The following ANKLE2 variants were observed in gnomAD, a reference collection of about 807,000 sequenced individuals.
ANKLE2 encodes ankyrin repeat and LEM domain-containing protein 2.
A neutral mutation model predicts 84.2 loss-of-function variants in ANKLE2; 55 were observed. That is an observed-to-expected ratio of 0.65 (90% CI 0.53 to 0.82). The LOEUF (loss-of-function observed/expected upper bound fraction) is 0.82, where lower values mean the gene tolerates loss of function less well. Ranked by LOEUF, ANKLE2 falls within the 40% of genes least tolerant of loss-of-function variation. The pLI is 0.00. For missense variants in ANKLE2, 1,238 were observed against 1,201.9 expected (o/e 1.03, Z -0.44); for synonymous variants, 551 against 486.1 (o/e 1.13, Z -1.76).
rs2044183669 is a variant in ANKLE2 at position 132,744,000 on chromosome 12, T to C, written c.1231-724A>G. ...CAGTAAACGAAATTTTTTTCACTGC[T>C]GACGATGCTGCATCGCGCCCTGGCT... On this transcript the variant is annotated intron_variant, in intron 5 of 12. Coordinates refer to ENST00000357997, the MANE Select transcript of ANKLE2 (RefSeq NM_015114.3). The surrounding 1 kb of genome is among the most constrained non-coding windows in gnomAD (Gnocchi z 4.1). Among the ~76,000 whole-genome samples, 1 of 152,218 alleles carries C rather than the reference T, an allele frequency of 6.6e-6. No homozygotes were observed. The highest frequency in any genetic ancestry group is 1.5e-5 in the Non-Finnish European group (1 of 68,032).
In ANKLE2 at chr12:132,748,286, G is replaced by C. The variant is rs1036751408; in HGVS notation, c.893C>G (p.Ala298Gly). ...CGTGCGGGGATTTTTGTAACTGTTC[G>C]CTCGCTCTTTGTTGACTGTTTCTGA... ...SESETVNKER[A>G]NSYKNPRTQD... Residue 298 changes from alanine (A) to glycine (G), a missense_variant, in exon 4 of 13, where the codon GCG becomes GGG. Coordinates refer to ENST00000357997, the MANE Select transcript of ANKLE2 (RefSeq NM_015114.3). 1 of 1,614,038 alleles carries C rather than the reference G, an allele frequency of 6.2e-7. No individual in the cohort carries two copies. Among genetic ancestry groups the C allele is most frequent in the African/African-American group, 1.3e-5 (1 of 74,908 alleles).
At chr12:132,752,290 A>C (rs1435274156) in intron 2 of ANKLE2, among the ~76,000 whole-genome samples, 1 of 152,244 alleles carries the variant, frequency 6.6e-6, no homozygotes, top group Non-Finnish European at 1.5e-5. Flanking sequence ...GAGTGAGCCA[A>C]GATCGCACCA....
At chr12:132,732,968 A>T (rs1247785602) in intron 10 of ANKLE2, among the ~76,000 whole-genome samples, 977 of 38,258 alleles carry the variant, frequency 0.026, no homozygotes, top group Middle Eastern at 0.074. Context: ...TGGTGTCTGA[A>T]ATACACTGTG....
At chr12:132,727,895 C>A in intron 12 of ANKLE2, 137 bp downstream of exon 12, 1 of 1,257,064 alleles carries the variant, frequency 8.0e-7, no homozygotes, top group Non-Finnish European at 1.1e-6. Context: ...AGCCACAACA[C>A]CCAAATCCAC....
At chr12:132,748,402 G>A (rs2044285536) in intron 3 of ANKLE2, 71 bp from the exon 4 acceptor site, 2 of 1,554,090 alleles carry the variant, frequency 1.3e-6, no homozygotes, top group African/African-American at 1.4e-5. Context: ...TGCACCCTCT[G>A]ATGAGGGATA....
chr12:132,728,700 T>G (rs1363243915), intron 11 of ANKLE2, among the ~76,000 whole-genome samples: 1 of 152,174 alleles, frequency 6.6e-6, no homozygotes, highest in East Asian at 1.9e-4. Context: ...CTCGCTGTTC[T>G]GTGATGAGAA....
At position 132,733,270 on chromosome 12, in the gene ANKLE2, T is replaced by C. The variant is rs575301480; in HGVS notation, c.1891+1115A>G. On this transcript the variant is annotated intron_variant, in intron 10 of 12. Transcript: ENST00000357997. ...AAGCACTGCGCGTCCTGGTGTCTGA[T>C]ATGCACCGTGTGAAGCTCTCTGCGT... is the stretch of plus-strand genomic sequence containing the variant. 7.9e-5 allele frequency among the ~76,000 whole-genome samples: 10 copies of C among 126,358 alleles called. No individual in the cohort carries two copies. The South Asian group carries it at 1.4e-3, about 17-fold the overall frequency. The allele number at this position is 126,358 out of a possible 152,430, so 82.9% of individuals were successfully genotyped here.
At chr12:132,757,114 G>A (rs1232756302) in intron 1 of ANKLE2, 3 of 152,382 alleles carry the variant, frequency 2.0e-5, no homozygotes, top group South Asian at 2.1e-4. Flanking sequence ...GGTGCTCTAA[G>A]GAGAAAGACA....
intron 10 of ANKLE2, chr12:132,732,122 GTCC>G (rs2043865122): frequency 6.7e-6 from 1 of 148,566 alleles, no homozygotes; most frequent in African/African-American, 2.6e-5. Context: ...AGCGCTCTGC[GTCC>G]TGGTGTCTGA....
chr12:132,732,492 C>T (rs2043888241), intron 10 of ANKLE2, among the ~76,000 whole-genome samples: 2 of 145,362 alleles, frequency 1.4e-5, no homozygotes, highest in African/African-American at 5.1e-5. Flanking sequence ...CCGTGTGAAG[C>T]TCTCTGAGTG....
intron 1 of ANKLE2, 85 bp downstream of exon 1, chr12:132,761,533 C>A: frequency 9.1e-7 from 1 of 1,099,798 alleles, no homozygotes; most frequent in Admixed American, 4.5e-5. Flanking sequence ...GCTCCAGGGG[C>A]GCGGCCGGGA....
chr12:132,734,073 T>TAAAA, intron 10 of ANKLE2: 1 of 442,592 alleles, frequency 2.3e-6, no homozygotes, highest in Non-Finnish European at 4.4e-6. Flanking sequence ...GCATCTCCAC[T>TAAAA]AAAAAAAAAA....
rs2044272090 is a variant in ANKLE2 at position 132,747,890 on chromosome 12, A to G, written c.1172T>C (p.Met391Thr). 1.2e-6 allele frequency: 2 copies of G among 1,610,768 alleles called. No homozygotes were observed. Among genetic ancestry groups the G allele is most frequent in the Non-Finnish European group, 1.7e-6 (2 of 1,179,302 alleles). ...CACGTAACGGATACGCTTCTGCAGC[A>G]TGGCCTCGTCGTCATCAGGGTACAT... ...RLMYPDDDEA[M>T]LQKRIRYVVD... The change falls in exon 5 of 13, where the codon ATG (methionine) becomes ACG (threonine). Residue 391 changes from methionine (M) to threonine (T), a missense_variant. By Grantham distance (81) the Met-to-Thr change is moderately conservative (BLOSUM62 -1). This residue lies in a region of ANKLE2 where 802 missense variants were observed against 774.5 expected (regional missense o/e 1.04). Transcript: ENST00000357997.
chr12:132,743,187 GT>G lies in ANKLE2; in HGVS notation c.1319del (p.Asn440ThrfsTer13). 2.5e-6 allele frequency: 4 copies of G among 1,610,970 alleles called. No homozygotes were observed. The highest frequency in any genetic ancestry group is 3.4e-6 in the Non-Finnish European group (4 of 1,178,454). ...VLSSHHLIVK[N>X]SRNKYDKTPE... ...GTGTTTTATCATATTTATTCCTTGA[GT>G]TTTTTACAATCAAATGGTGTGACGA... On this transcript the variant is annotated frameshift_variant, in exon 6 of 13. Transcript: ENST00000357997. LOFTEE classifies it high-confidence loss of function. This position sits in a 1 kb window ranked among gnomAD's most constrained non-coding sequence, Gnocchi z 4.1.
At position 132,750,865 on chromosome 12, in the gene ANKLE2, A is replaced by G; in HGVS notation, c.641-16T>C. On this transcript the variant is annotated splice_polypyrimidine_tract_variant and intron_variant, in intron 2 of 12. Coordinates refer to ENST00000357997, the MANE Select transcript of ANKLE2 (RefSeq NM_015114.3). ...TAGATCCTTTCTGGGTAAGAAAAGT[A>G]ACAAATGAAAATCAGAGAAGAGTGA... The G allele has an allele frequency of 6.2e-7, 1 of 1,610,346 alleles. No individual in the cohort carries two copies. Among genetic ancestry groups the G allele is most frequent in the Non-Finnish European group, 8.5e-7 (1 of 1,177,622 alleles).
In ANKLE2 at chr12:132,754,981, C is replaced by G. The variant is rs767372542; in HGVS notation, c.334G>C (p.Glu112Gln). The change falls in exon 2 of 13, where the codon GAG becomes CAG. Residue 112 changes from glutamate (E) to glutamine (Q), a missense_variant. Around this residue, in one of 3 missense-constraint regions of ANKLE2, gnomAD observed 422 missense variants for 394.5 expected, o/e 1.07. Transcript: ENST00000357997. ...AAAGAAGACAGCCTTCCTCCTTGCT[C>G]CAGTAAAGCCTGAGCCAATTTTTTC... ...FEKKLAQALL[E>Q]QGGRLSSFYH... The G allele has an allele frequency of 1.2e-6, 2 of 1,614,080 alleles. No individual in the cohort carries two copies. The highest frequency in any genetic ancestry group is 2.2e-5 in the South Asian group (2 of 91,080).
intron 10 of ANKLE2, chr12:132,731,415 A>ATCATTT (rs2043842131): frequency 9.9e-6 from 1 of 101,274 alleles, no homozygotes; most frequent in Non-Finnish European, 2.1e-5. Flanking sequence ...ATGTATGTCA[A>ATCATTT]TCATTTTCAT....
At chr12:132,748,546 G>C (rs1033168570) in intron 3 of ANKLE2, among the ~76,000 whole-genome samples, 8 of 152,154 alleles carry the variant, frequency 5.3e-5, no homozygotes, top group Non-Finnish European at 1.0e-4. Flanking sequence ...GAGCAAGTGA[G>C]GGAGAGCAGC....
At chr12:132,756,247 G>A (rs1424312522) in intron 1 of ANKLE2, 2 of 151,852 alleles carry the variant, frequency 1.3e-5, no homozygotes, top group Non-Finnish European at 2.9e-5. Flanking sequence ...GTACATGCCT[G>A]TAACCCCAGC....
Sources: gnomAD v4.1 joint callset for allele counts (sites outside exome capture counted in the v4.1 genomes callset) on GRCh38, gnomAD v4.1.1 for gene constraint, gnomAD v4.1.1 regional missense constraint, Gnocchi (gnomAD v3.1) non-coding constraint, MANE v1.5 for transcripts, NCBI Gene and HGNC (gene_info 2026-07-23, HGNC 2026-07-21) for gene names.